PKHD1: variants seen among roughly 807,000 people sequenced by gnomAD.
PKHD1 encodes the protein fibrocystin.
Under a neutral mutation model 412.0 loss-of-function variants are expected in PKHD1, and 291 were observed. That is an observed-to-expected ratio of 0.71 (90% CI 0.64 to 0.78). PKHD1 has a LOEUF of 0.78. Ranked by LOEUF, PKHD1 falls within the 30% of genes least tolerant of loss-of-function variation. The probability of loss-of-function intolerance (pLI) is 0.00; values close to 1 mark genes in which losing one functional copy is unlikely to be tolerated. For synonymous variants in PKHD1, 1,777 were observed against 1,821.5 expected, an observed-to-expected ratio of 0.98 and a Z score of 0.62; for missense variants, 4,825 against 4,950.7, an observed-to-expected ratio of 0.97 and a Z score of 0.76.
intron 63 of PKHD1, 133 bp from the exon 64 acceptor site, chr6:51,639,089 T>C: frequency 1.4e-6 from 1 of 734,326 alleles, no homozygotes; most frequent in Non-Finnish European, 2.5e-6. Context: ...ACCTAATCCA[T>C]CAGGTTCTTC....
intron 52 of PKHD1, among the ~76,000 whole-genome samples, chr6:51,794,642 T>C (rs1794309342): frequency 6.6e-6 from 1 of 152,224 alleles, no homozygotes. Flanking sequence ...CCAGGGTTTT[T>C]ATGGTTGTGA....
chr6:51,632,177 C>T (rs1768008211), intron 65 of PKHD1, among the ~76,000 whole-genome samples: 1 of 152,046 alleles, frequency 6.6e-6, no homozygotes, highest in Non-Finnish European at 1.5e-5. Context: ...ATCCTAACCT[C>T]AGGTGATCCA....
chr6:51,816,255 A>G (rs1291786289), intron 52 of PKHD1, among the ~76,000 whole-genome samples: 1 of 152,158 alleles, frequency 6.6e-6, no homozygotes, highest in African/African-American at 2.4e-5. Context: ...GACATTTTCT[A>G]TTTGTTCTTC....
intron 52 of PKHD1, among the ~76,000 whole-genome samples, chr6:51,809,415 C>T (rs1326590): frequency 0.57 from 86,143 of 151,830 alleles, 24,809 homozygotes; most frequent in East Asian, 0.78. Context: ...TCACTTTCCT[C>T]TCCTGCCTCT....
chr6:51,788,715 T>G (rs1242875502), intron 53 of PKHD1, among the ~76,000 whole-genome samples: 1 of 147,590 alleles, frequency 6.8e-6, no homozygotes. Context: ...AGGGTATACC[T>G]CATCCCATTT....
intron 36 of PKHD1, among the ~76,000 whole-genome samples, chr6:51,937,162 T>A (rs1787634584): frequency 6.6e-6 from 1 of 152,208 alleles, no homozygotes; most frequent in Non-Finnish European, 1.5e-5. Flanking sequence ...TTAGATAAGT[T>A]AATAAGTTAA....
chr6:52,084,119 G>T (rs1812419228), intron 2 of PKHD1, among the ~76,000 whole-genome samples: 1 of 152,194 alleles, frequency 6.6e-6, no homozygotes, highest in South Asian at 2.1e-4. Context: ...CCAAGTTAAG[G>T]AAGCCAGCAA....
At chr6:51,827,963 T>C (rs1562402714) in intron 52 of PKHD1, among the ~76,000 whole-genome samples, 1 of 152,110 alleles carries the variant, frequency 6.6e-6, no homozygotes. Flanking sequence ...TGCATACCTC[T>C]TTGGGAAGTA....
Position 52,050,220 on chromosome 6 carries a change from G to A in PKHD1, c.2216C>T (p.Pro739Leu), listed in dbSNP as rs758352210. Reference protein sequence around the residue: ...VESVSVVGSPPVYSVTSWLAG... With the variant: ...VESVSVVGSPLVYSVTSWLAG... ...CAGCCAGGAGGTGACACTGTAGACCGGAGGGGATCCCACCACAGAGACTGA... is the reference window on the plus strand; with the variant it reads ...CAGCCAGGAGGTGACACTGTAGACCAGAGGGGATCCCACCACAGAGACTGA... The change falls in exon 22 of 67, where the codon CCG becomes CTG. Residue 739 changes from proline (P) to leucine (L), a missense_variant. Transcript: ENST00000371117. 1.9e-5 allele frequency: 30 copies of A among 1,614,024 alleles called. No homozygotes were observed. Among genetic ancestry groups the A allele is most frequent in the African/African-American group, 4.0e-5 (3 of 74,944 alleles).
At chr6:52,070,551 C>A in intron 9 of PKHD1, 106 bp from the exon 10 acceptor site, 1 of 801,224 alleles carries the variant, frequency 1.2e-6, no homozygotes, top group Non-Finnish European at 2.1e-6. Flanking sequence ...AAATTACCAC[C>A]CAAACCTGTA....
intron 55 of PKHD1, among the ~76,000 whole-genome samples, chr6:51,759,558 G>T (rs139843067): frequency 2.8e-4 from 43 of 152,186 alleles, no homozygotes; most frequent in African/African-American, 9.4e-4. Context: ...AAAAAAAGAG[G>T]TTGAAATAAA....
intron 48 of PKHD1, among the ~76,000 whole-genome samples, chr6:51,861,032 C>T (rs1774104366): frequency 6.6e-6 from 1 of 152,048 alleles, no homozygotes; most frequent in African/African-American, 2.4e-5. Context: ...AGGCTGGTCT[C>T]GAACTCCTGA....
At chr6:51,722,012 CA>C in intron 60 of PKHD1, 1 of 1,613,558 alleles carries the variant, frequency 6.2e-7, no homozygotes, top group Non-Finnish European at 8.5e-7. Flanking sequence ...AAAGCCTGCT[CA>C]GTGGTTACTG....
rs1012064721 is a variant in PKHD1, at chr6:51,867,911, C to G, written c.7685G>C (p.Gly2562Ala). The G allele has an allele frequency of 1.2e-6, 2 of 1,613,104 alleles. No individual in the cohort carries two copies. Among genetic ancestry groups the G allele is most frequent in the Non-Finnish European group, 1.7e-6 (2 of 1,179,288 alleles). ...VNSSFGRVVHGSACGGGVLFH... is the reference protein window; with the variant it reads ...VNSSFGRVVHASACGGGVLFH... ...AAGAACACCTCCTCCACAGGCACTG[C>G]CATGGACAACCCGACCAAAGCTTGA... The change falls in exon 48 of 67, where the codon GGC (glycine) becomes GCC (alanine). Residue 2562 changes from glycine (G) to alanine (A), a missense_variant. Physicochemically the swap from Gly to Ala is moderately conservative, Grantham distance 60. Coordinates refer to ENST00000371117, the MANE Select transcript of PKHD1 (RefSeq NM_138694.4).
At chr6:51,778,393 C>T (rs1205739094) in intron 53 of PKHD1, among the ~76,000 whole-genome samples, 5 of 152,066 alleles carry the variant, frequency 3.3e-5, no homozygotes, top group Non-Finnish European at 7.4e-5. Flanking sequence ...ATGATGAATA[C>T]AGTTGAGGTT....
intron 36 of PKHD1, among the ~76,000 whole-genome samples, chr6:51,935,280 A>C (rs1465806721): frequency 6.6e-6 from 1 of 152,204 alleles, no homozygotes; most frequent in Non-Finnish European, 1.5e-5. Context: ...TTTATAATAG[A>C]ATTATTTTGC....
At chr6:51,631,839 C>T (rs891809538) in intron 65 of PKHD1, among the ~76,000 whole-genome samples, 1 of 151,712 alleles carries the variant, frequency 6.6e-6, no homozygotes, top group African/African-American at 2.4e-5. Flanking sequence ...TACTTAATTC[C>T]TATGCTAAAA....
At chr6:51,944,863 C>T (rs553325054) in intron 36 of PKHD1, among the ~76,000 whole-genome samples, 3 of 152,332 alleles carry the variant, frequency 2.0e-5, no homozygotes, top group Non-Finnish European at 4.4e-5. Flanking sequence ...ACCACTTGAG[C>T]ACTGCTAGAC....
chr6:51,625,732 G>C (rs1229994128), intron 66 of PKHD1, among the ~76,000 whole-genome samples: 1 of 152,156 alleles, frequency 6.6e-6, no homozygotes, highest in Non-Finnish European at 1.5e-5. Context: ...GAGATTAAGA[G>C]AGAGATTAGT....
Sources: allele counts gnomAD v4.1 joint callset (sites outside exome capture counted in the v4.1 genomes callset), GRCh38; gene constraint gnomAD v4.1.1; transcripts MANE v1.5; gene names NCBI Gene and HGNC (gene_info 2026-07-23, HGNC 2026-07-21).